The following ICA1 variants were observed in gnomAD, a reference collection of about 807,000 sequenced individuals.
ICA1 encodes the protein islet cell autoantigen 1.
In ICA1, 40 loss-of-function variants were observed where a neutral mutation model predicts 71.0. That is an observed-to-expected ratio of 0.56 (90% confidence interval 0.44 to 0.73). The LOEUF (loss-of-function observed/expected upper bound fraction) is 0.73, where lower values mean the gene tolerates loss of function less well. Among genes scored for constraint, ICA1 ranks in the 30% least tolerant of loss-of-function variants. The pLI, the probability that ICA1 is intolerant of heterozygous loss-of-function variation, is 0.00. For synonymous variants in ICA1, 207 were observed against 209.5 expected (o/e 0.99, Z 0.10); for missense variants, 578 against 576.5 (o/e 1.00, Z -0.03).
chr7:8,145,364 T>C lies in ICA1; in HGVS notation c.805-1392A>G, dbSNP rs576203979. 1.5e-4 allele frequency among the ~76,000 whole-genome samples: 23 copies of C among 152,304 alleles called. No homozygotes were observed. The East Asian group carries it at 2.7e-3, about 18-fold the overall frequency. On this transcript the variant is annotated intron_variant, in intron 8 of 13. Transcript: ENST00000402384. ...GGTCTCCTCATAGTCTCCCATGTGC[T>C]AGTTTCTTCCTTCCTGTCTTTGTTC...
rs1297184107 is a variant in ICA1, at chr7:8,130,969, T to G, written c.1061-2827A>C. ...GATCCTGGTGAGATGCCTCTGGAAA[T>G]GACTCCTTACCCTCCACCCCAGTGA... On this transcript the variant is annotated intron_variant, in intron 12 of 13. Coordinates refer to ENST00000402384, the MANE Select transcript of ICA1 (RefSeq NM_001136020.3). This position sits in a 1 kb window ranked among gnomAD's most constrained non-coding sequence, Gnocchi z 4.2. Among the ~76,000 whole-genome samples, 1 of 152,190 alleles carries G rather than the reference T, an allele frequency of 6.6e-6. No homozygotes were observed. The highest frequency in any genetic ancestry group is 1.5e-5 in the Non-Finnish European group (1 of 68,034).
At chr7:8,236,399 G>T (rs1801851679) in intron 1 of ICA1, among the ~76,000 whole-genome samples, 1 of 152,206 alleles carries the variant, frequency 6.6e-6, no homozygotes, top group African/African-American at 2.4e-5. Flanking sequence ...CACGGCAGGA[G>T]ATGGTGTGGG....
chr7:8,255,883 TCTTA>T (rs1390824820), intron 1 of ICA1, among the ~76,000 whole-genome samples: 1 of 148,932 alleles, frequency 6.7e-6, no homozygotes, highest in African/African-American at 2.5e-5. Context: ...CAAGCAATCC[TCTTA>T]CTTAGCCTAC....
chr7:8,115,053 A>G (rs897103053), intron 13 of ICA1: 1 of 152,242 alleles, frequency 6.6e-6, no homozygotes, highest in Non-Finnish European at 1.5e-5. Context: ...CAGTATAAAC[A>G]GGGCCTTTGA....
intron 1 of ICA1, among the ~76,000 whole-genome samples, chr7:8,256,076 C>T (rs978348513): frequency 6.6e-6 from 1 of 152,106 alleles, no homozygotes; most frequent in Non-Finnish European, 1.5e-5. Context: ...CACCCAGCCT[C>T]TTTCATCTTT....
At chr7:8,170,903 G>C (rs1215383583) in intron 6 of ICA1, among the ~76,000 whole-genome samples, 1 of 151,834 alleles carries the variant, frequency 6.6e-6, no homozygotes, top group Non-Finnish European at 1.5e-5. Flanking sequence ...CTGATCTTAG[G>C]AGGAAACATC....
chr7:8,253,606 AT>A (rs1356570254), intron 1 of ICA1, among the ~76,000 whole-genome samples: 3 of 152,052 alleles, frequency 2.0e-5, no homozygotes, highest in South Asian at 2.1e-4. Context: ...TATATCTTCT[AT>A]TTTTTTATAA....
chr7:8,259,203 T>A (rs1811350162), intron 1 of ICA1, among the ~76,000 whole-genome samples: 1 of 152,212 alleles, frequency 6.6e-6, no homozygotes, highest in African/African-American at 2.4e-5. Context: ...GGAGATCTTG[T>A]TAAAATGGAG....
chr7:8,240,771 A>T (rs1274581977), intron 1 of ICA1, among the ~76,000 whole-genome samples: 1 of 152,238 alleles, frequency 6.6e-6, no homozygotes, highest in African/African-American at 2.4e-5. Context: ...CGCATTTACA[A>T]GCTTCAACAG....
intron 4 of ICA1, among the ~76,000 whole-genome samples, chr7:8,225,465 T>C (rs7784921): frequency 0.11 from 16,292 of 152,200 alleles, 2,249 homozygotes; most frequent in African/African-American, 0.32. Context: ...ACAAACAATA[T>C]AGGTGCATCT....
rs1304457361 is a variant in ICA1 at position 8,235,907 on chromosome 7, T to C, written c.17+3A>G. ...AATTCAGAAAAGATGACAAATTACT[T>C]ACCATTTGTGTCCTGACATGTTTTC... On this transcript the variant is annotated splice_donor_region_variant and intron_variant, in intron 2 of 13. Transcript: ENST00000402384. 1.2e-6 allele frequency: 2 copies of C among 1,613,058 alleles called. No individual in the cohort carries two copies. The highest frequency in any genetic ancestry group is 1.7e-6 in the Non-Finnish European group (2 of 1,179,434).
intron 8 of ICA1, among the ~76,000 whole-genome samples, chr7:8,152,148 C>G (rs1429234073): frequency 2.6e-5 from 4 of 152,074 alleles, no homozygotes; most frequent in African/African-American, 9.7e-5. Flanking sequence ...GTTTGGGAAT[C>G]GAGCTGCCAG....
intron 1 of ICA1, among the ~76,000 whole-genome samples, chr7:8,258,424 C>T (rs1015209898): frequency 6.6e-6 from 1 of 152,142 alleles, no homozygotes; most frequent in Non-Finnish European, 1.5e-5. Context: ...ATTTCCCCAC[C>T]TTTTCATGAA....
intron 13 of ICA1, among the ~76,000 whole-genome samples, chr7:8,122,883 T>C (rs557814446): frequency 6.6e-6 from 1 of 152,372 alleles, no homozygotes; most frequent in South Asian, 2.1e-4. Flanking sequence ...GATGTCCTGA[T>C]GCATTTATTT....
At chr7:8,205,603 G>C (rs1042344443) in intron 6 of ICA1, among the ~76,000 whole-genome samples, 4 of 152,184 alleles carry the variant, frequency 2.6e-5, no homozygotes, top group African/African-American at 9.7e-5. Flanking sequence ...CAAATATTAT[G>C]AAGCCAGAGG....
At chr7:8,135,585 TGAGTGACTCAG>T (rs1793130551) in intron 12 of ICA1, among the ~76,000 whole-genome samples, 1 of 152,200 alleles carries the variant, frequency 6.6e-6, no homozygotes, top group African/African-American at 2.4e-5. Context: ...GAGACAATTC[TGAGTGACTCAG>T]GAGGAACTCA....
At chr7:8,248,624 G>C (rs1304303610) in intron 1 of ICA1, among the ~76,000 whole-genome samples, 2 of 152,196 alleles carry the variant, frequency 1.3e-5, no homozygotes, top group Non-Finnish European at 2.9e-5. Context: ...GCTGAGGTGG[G>C]AGGATCGCTT....
At chr7:8,247,039 C>T (rs1264841697) in intron 1 of ICA1, among the ~76,000 whole-genome samples, 2 of 152,178 alleles carry the variant, frequency 1.3e-5, no homozygotes, top group Non-Finnish European at 1.5e-5. Flanking sequence ...AACCACCATG[C>T]CTGGCCTTTC....
intron 6 of ICA1, among the ~76,000 whole-genome samples, chr7:8,216,437 A>AT (rs3840619): frequency 6.6e-6 from 1 of 151,764 alleles, no homozygotes; most frequent in Admixed American, 6.6e-5. Flanking sequence ...ATGGCAAAGG[A>AT]TTTTTTTTTA....
Sources: allele counts gnomAD v4.1 joint callset (sites outside exome capture counted in the v4.1 genomes callset), GRCh38; gene constraint gnomAD v4.1.1; non-coding constraint Gnocchi (gnomAD v3.1); transcripts MANE v1.5; gene names NCBI Gene and HGNC (gene_info 2026-07-23, HGNC 2026-07-21).